LIMS2: variants seen among roughly 807,000 people sequenced by gnomAD.
The protein encoded by LIMS2 is LIM and senescent cell antigen-like-containing domain protein 2.
Under a neutral mutation model 45.3 loss-of-function variants are expected in LIMS2, and 30 were observed. The ratio of observed to expected loss-of-function variants is 0.66; its 90% CI spans 0.50 to 0.90. LIMS2 has a LOEUF of 0.90. LIMS2 is among the 40% of genes least tolerant of loss of function. LIMS2 has a pLI of 0.00. For synonymous variants in LIMS2, 173 were observed against 188.0 expected (o/e 0.92, Z 0.65); for missense variants, 485 against 468.7 (o/e 1.03, Z -0.32).
At chr2:127,677,471 G>T (rs1167042002), upstream of LIMS2, among the ~76,000 whole-genome samples, 1 of 152,194 alleles carries the variant, frequency 6.6e-6, no homozygotes, top group Non-Finnish European at 1.5e-5. This position sits in a 1 kb window ranked among gnomAD's most constrained non-coding sequence, Gnocchi z 5.0. Flanking sequence ...ATAAGGGAAA[G>T]AGCCAGCCCT....
chr2:127,675,057 G>A lies in LIMS2; in HGVS notation c.-33C>T. The A allele has an allele frequency of 8.1e-7, 1 of 1,228,246 alleles. No homozygotes were observed. The highest frequency in any genetic ancestry group is 1.0e-6 in the Non-Finnish European group (1 of 984,386). 76.1% of individuals were successfully genotyped at this position (1,228,246 alleles called of 1,614,324 possible). A position where few individuals can be genotyped will look rare whatever the true frequency, so the allele number is the denominator to read the frequency against. ...GCGACGCCGAGCCCTGGGTTGCCGGGGTTGCCGCGGGTCTCCCTCTGCTGC... is the reference window on the plus strand; with the variant it reads ...GCGACGCCGAGCCCTGGGTTGCCGGAGTTGCCGCGGGTCTCCCTCTGCTGC... On this transcript the variant is annotated 5_prime_UTR_variant, in exon 1 of 10. Coordinates refer to ENST00000355119, the MANE Select transcript of LIMS2 (RefSeq NM_001161403.3).
chr2:127,650,542 T>C, intron 4 of LIMS2: 1 of 596,038 alleles, frequency 1.7e-6, no homozygotes, highest in African/African-American at 1.9e-5. Flanking sequence ...AGAATGCCTC[T>C]GACGCTCACG....
At chr2:127,663,761 C>G (rs951589676) in intron 1 of LIMS2, among the ~76,000 whole-genome samples, 1 of 152,124 alleles carries the variant, frequency 6.6e-6, no homozygotes, top group South Asian at 2.1e-4. Flanking sequence ...ACTGCAAAGG[C>G]AACATTTTCA....
chr2:127,661,255 C>T (rs1182361170), intron 1 of LIMS2, among the ~76,000 whole-genome samples: 2 of 152,210 alleles, frequency 1.3e-5, no homozygotes, highest in African/African-American at 4.8e-5. Flanking sequence ...GCCTCACGTT[C>T]TCTTTTGTAA....
chr2:127,669,866 A>G (rs539409487), intron 1 of LIMS2, among the ~76,000 whole-genome samples: 2 of 152,228 alleles, frequency 1.3e-5, no homozygotes, highest in African/African-American at 2.4e-5. Context: ...AGGATTTACA[A>G]GTGGCCAACA....
chr2:127,665,139 C>A (rs965862212), intron 1 of LIMS2, among the ~76,000 whole-genome samples: 1 of 152,174 alleles, frequency 6.6e-6, no homozygotes, highest in African/African-American at 2.4e-5. Flanking sequence ...TTCATAAACA[C>A]CCGCGGTAGG....
chr2:127,659,393 A>T (rs545342489), intron 1 of LIMS2, among the ~76,000 whole-genome samples: 8 of 152,328 alleles, frequency 5.3e-5, no homozygotes, highest in Admixed American at 5.2e-4. Flanking sequence ...CTCGGCACCC[A>T]GCGGCTGGTC....
chr2:127,681,171 CGGAGGG>C (rs1348940604), intron 1 of LIMS2: 1 of 152,356 alleles, frequency 6.6e-6, no homozygotes, highest in Non-Finnish European at 1.5e-5. Flanking sequence ...TGCCGCCTGA[CGGAGGG>C]CAGCCCCTCC....
intron 1 of LIMS2, chr2:127,674,722 C>G (rs1470668347): frequency 2.0e-6 from 2 of 985,318 alleles, no homozygotes; most frequent in Non-Finnish European, 2.4e-6. Flanking sequence ...GACAAGACCC[C>G]CTCCCGCAGC....
chr2:127,649,841 G>A (rs981592125), intron 4 of LIMS2: 29 of 621,598 alleles, frequency 4.7e-5, no homozygotes, highest in East Asian at 3.1e-4. Context: ...CTGCAGATCC[G>A]TCCTCAACAG....
chr2:127,669,168 G>A lies in LIMS2; in HGVS notation c.11+5846C>T, dbSNP rs138753723. On this transcript the variant is annotated intron_variant, in intron 1 of 9. Transcript: ENST00000355119. ...GAGTGCCAAGACCATTCAATGGGGC[G>A]AAGAGTAGTCTTATCAACAAATGAT... Among the ~76,000 whole-genome samples, 362 of 152,256 alleles carry A rather than the reference G, an allele frequency of 2.4e-3. 1 individual carries two copies. Among genetic ancestry groups the A allele is most frequent in the South Asian group, 9.7e-3 (47 of 4,822 alleles).
At chr2:127,643,171 A>G (rs1682609962) in intron 4 of LIMS2, 99 bp from the exon 5 acceptor site, 2 of 1,331,282 alleles carry the variant, frequency 1.5e-6, no homozygotes, top group Non-Finnish European at 2.0e-6. Context: ...TTCACTGAGC[A>G]GCTGGGGGCT....
Position 127,644,063 on chromosome 2 carries a change from C to CT in LIMS2, c.360-992_360-991insA, listed in dbSNP as rs534331509. 158 of 456,530 alleles carry CT rather than the reference C, an allele frequency of 3.5e-4. 2 individuals carry two copies. The highest frequency in any genetic ancestry group is 2.4e-3 in the South Asian group (158 of 64,576). 28.3% of individuals were successfully genotyped at this position (456,530 alleles called of 1,614,324 possible). A position where few individuals can be genotyped will look rare whatever the true frequency, so the allele number is the denominator to read the frequency against. On this transcript the variant is annotated intron_variant, in intron 4 of 9. Transcript: ENST00000355119. ...CCATTCAGCATCCCTCCCTGGACCC[C>CT]AGGACCTGCTACTGCTGGGTGTCTG...
At chr2:127,660,595 G>T (rs1684569108) in intron 1 of LIMS2, among the ~76,000 whole-genome samples, 1 of 152,172 alleles carries the variant, frequency 6.6e-6, no homozygotes, top group African/African-American at 2.4e-5. Flanking sequence ...AACCCCACCG[G>T]AAGGAAGAAA....
intron 1 of LIMS2, among the ~76,000 whole-genome samples, chr2:127,673,198 A>G (rs1685348586): frequency 6.6e-6 from 1 of 152,208 alleles, no homozygotes. Context: ...AGCTGCGTCA[A>G]ACAAACTCCA....
intron 4 of LIMS2, chr2:127,650,813 G>A: frequency 1.2e-6 from 2 of 1,613,926 alleles, no homozygotes; most frequent in Non-Finnish European, 1.7e-6. Flanking sequence ...GTGGCCAGGA[G>A]ACGCCACTGG....
intron 2 of LIMS2, 61 bp from the exon 3 acceptor site, chr2:127,654,957 G>A: frequency 6.7e-7 from 1 of 1,493,036 alleles, no homozygotes; most frequent in East Asian, 2.4e-5. Flanking sequence ...GAGCAGCCCA[G>A]GCCCTTGTTG....
At chr2:127,661,840 C>G (rs958217294) in intron 1 of LIMS2, among the ~76,000 whole-genome samples, 23 of 152,184 alleles carry the variant, frequency 1.5e-4, no homozygotes, top group African/African-American at 5.1e-4. Flanking sequence ...GATTGAAGCA[C>G]AGAGAGAGTC....
Position 127,674,690 on chromosome 2 carries a change from C to A in LIMS2, c.11+324G>T, listed in dbSNP as rs1166709588. On this transcript the variant is annotated intron_variant, in intron 1 of 9. Coordinates refer to ENST00000355119, the MANE Select transcript of LIMS2 (RefSeq NM_001161403.3). ...GGCACGCAACCTTTGAACCTTTTGC[C>A]CGTGGTTGGTGTCTGACCTTGGACA... 4 of 985,336 alleles carry A rather than the reference C, an allele frequency of 4.1e-6. No homozygotes were observed. In the South Asian group the frequency reaches 1.9e-4, roughly 46 times the overall value. 61.0% of individuals were successfully genotyped at this position (985,336 alleles called of 1,614,324 possible). A position where few individuals can be genotyped will look rare whatever the true frequency, so the allele number is the denominator to read the frequency against.
Sources: gnomAD v4.1 joint callset for allele counts (sites outside exome capture counted in the v4.1 genomes callset) on GRCh38, gnomAD v4.1.1 for gene constraint, Gnocchi (gnomAD v3.1) non-coding constraint, MANE v1.5 for transcripts, NCBI Gene and HGNC (gene_info 2026-07-23, HGNC 2026-07-21) for gene names.